The following EEF2K variants were observed in gnomAD, a reference collection of about 807,000 sequenced individuals.
The protein encoded by EEF2K is eukaryotic elongation factor 2 kinase, also known as alternative protein EEF2K.
A neutral mutation model predicts 93.8 loss-of-function variants in EEF2K; 70 were observed. That is an observed-to-expected ratio of 0.75 (90% CI 0.62 to 0.91). The LOEUF (loss-of-function observed/expected upper bound fraction) is 0.91, where lower values mean the gene tolerates loss of function less well. Ranked by LOEUF, EEF2K falls within the 40% of genes least tolerant of loss-of-function variation. The pLI is 0.00. For missense variants in EEF2K, 935 were observed against 972.9 expected (o/e 0.96, Z 0.52); for synonymous variants, 376 against 380.8 (o/e 0.99, Z 0.15).
chr16:22,264,678 C>T (rs2047499843), intron 12 of EEF2K, 140 bp from the exon 13 acceptor site: 1 of 783,732 alleles, frequency 1.3e-6, no homozygotes, highest in Non-Finnish European at 2.0e-6. Flanking sequence ...CACCTGGGAA[C>T]ATAGGGCCAA....
chr16:22,247,282 A>C (rs1244308342), intron 3 of EEF2K, among the ~76,000 whole-genome samples: 8 of 151,234 alleles, frequency 5.3e-5, no homozygotes, highest in Non-Finnish European at 1.0e-4. Flanking sequence ...CTCTACAAAA[A>C]TACAAAAAAA....
intron 5 of EEF2K, 41 bp from the exon 6 acceptor site, chr16:22,251,110 C>T (rs1199013894): frequency 6.3e-7 from 1 of 1,590,496 alleles, no homozygotes; most frequent in Admixed American, 1.7e-5. Context: ...CTGGTGAACC[C>T]CAGAGTACCC....
chr16:22,226,497 T>C (rs1023961804), intron 2 of EEF2K, among the ~76,000 whole-genome samples: 23 of 148,110 alleles, frequency 1.6e-4, no homozygotes, highest in African/African-American at 5.0e-4. Flanking sequence ...TCTCTCTTTT[T>C]CTTTCTTTTC....
At chr16:22,242,639 G>A (rs899312276) in intron 2 of EEF2K, among the ~76,000 whole-genome samples, 1 of 151,924 alleles carries the variant, frequency 6.6e-6, no homozygotes, top group African/African-American at 2.4e-5. Context: ...ATAGATTTGG[G>A]AGTTCTTTTG....
At chr16:22,227,068 G>A (rs1046084219) in intron 2 of EEF2K, among the ~76,000 whole-genome samples, 3 of 152,034 alleles carry the variant, frequency 2.0e-5, no homozygotes, top group East Asian at 1.9e-4. Flanking sequence ...GTGTGGTGGC[G>A]CACACCTGTA....
chr16:22,254,023 C>T (rs546491001), intron 6 of EEF2K, among the ~76,000 whole-genome samples: 2 of 152,122 alleles, frequency 1.3e-5, no homozygotes, highest in Non-Finnish European at 2.9e-5. Flanking sequence ...CACTTGAACA[C>T]GAGAGGCGGA....
intron 2 of EEF2K, among the ~76,000 whole-genome samples, chr16:22,231,351 C>T (rs1013299826): frequency 5.3e-5 from 8 of 151,262 alleles, no homozygotes; most frequent in East Asian, 2.0e-4. Flanking sequence ...CTCCTGACCT[C>T]GTGATCCACC....
At chr16:22,270,049 C>T (rs1218228803) in intron 15 of EEF2K, among the ~76,000 whole-genome samples, 1 of 151,778 alleles carries the variant, frequency 6.6e-6, no homozygotes, top group African/African-American at 2.4e-5. Context: ...CCTCCACCAC[C>T]CGGTTCAAGC....
At chr16:22,237,513 C>T (rs1157896055) in intron 2 of EEF2K, among the ~76,000 whole-genome samples, 1 of 151,596 alleles carries the variant, frequency 6.6e-6, no homozygotes, top group Non-Finnish European at 1.5e-5. Context: ...TGGCGTGTGC[C>T]CATAGGCCCA....
intron 1 of EEF2K, among the ~76,000 whole-genome samples, chr16:22,220,800 G>T (rs914328450): frequency 6.6e-6 from 1 of 152,204 alleles, no homozygotes; most frequent in Non-Finnish European, 1.5e-5. Context: ...GCAGCTTGGG[G>T]CTGTGGTTCT....
Position 22,263,195 on chromosome 16 carries a change from AC to A in EEF2K, c.1377+13del. The A allele has an allele frequency of 3.1e-6, 5 of 1,607,914 alleles. No homozygotes were observed. The highest frequency in any genetic ancestry group is 1.3e-5 in the African/African-American group (1 of 74,664). On this transcript the variant is annotated intron_variant, in intron 12 of 17. Coordinates refer to ENST00000263026, the MANE Select transcript of EEF2K (RefSeq NM_013302.5). ...CCTGAGCCCCGAGAACATGTAAGGA[AC>A]CCCCAGGAAATGAGACCGGTGTCAC...
rs760862913 is a variant in EEF2K, at chr16:22,283,919, A to T, written c.2101A>T (p.Met701Leu). 2.1e-5 allele frequency: 34 copies of T among 1,600,504 alleles called. No homozygotes were observed. The highest frequency in any genetic ancestry group is 2.8e-5 in the Non-Finnish European group (33 of 1,173,814). The stretch of plus-strand genomic sequence containing the variant: ...GTATACCCAGGCAGCAGAGGCAGCG[A>T]TGGAAGCCATGAAGGGCCGACTGGC... ...DLYTQAAEAAMEAMKGRLANQ... is the reference protein window; with the variant it reads ...DLYTQAAEAALEAMKGRLANQ... Residue 701 changes from methionine to leucine, a missense_variant, in exon 18 of 18, where the codon ATG becomes TTG. Met to Leu is a conservative substitution (Grantham distance 15, BLOSUM62 2). Transcript: ENST00000263026.
intron 15 of EEF2K, among the ~76,000 whole-genome samples, chr16:22,268,569 C>T (rs538330949): frequency 2.0e-5 from 3 of 151,954 alleles, no homozygotes; most frequent in Non-Finnish European, 4.4e-5. Flanking sequence ...TGGGTTCAAG[C>T]GATCCTCCTG....
Position 22,225,817 on chromosome 16 carries a change from G to A in EEF2K, c.88G>A (p.Asp30Asn), listed in dbSNP as rs377003950. Residue 30 changes from aspartate (D) to asparagine (N), a missense_variant, in exon 2 of 18, where the codon GAC becomes AAC. Physicochemically the swap from Asp to Asn is conservative, Grantham distance 23 (BLOSUM62 1). Coordinates refer to ENST00000263026, the MANE Select transcript of EEF2K (RefSeq NM_013302.5). ...TGGCCATGATGGTGATTCTGATGGG[G>A]ACAGCGACGATGAGGAAGGTTACTT... ...RAGHDGDSDG[D>N]SDDEEGYFIC... The A allele has an allele frequency of 7.1e-5, 114 of 1,614,120 alleles. 2 individuals are homozygous for A. The highest frequency in any genetic ancestry group is 2.9e-4 in the South Asian group (26 of 91,088).
chr16:22,256,544 A>T (rs1199519794), intron 6 of EEF2K, among the ~76,000 whole-genome samples: 2 of 152,026 alleles, frequency 1.3e-5, no homozygotes, highest in East Asian at 3.9e-4. Flanking sequence ...CTAAAAATAT[A>T]TTTTTTTTAA....
At chr16:22,275,760 C>A (rs1261102647) in intron 16 of EEF2K, among the ~76,000 whole-genome samples, 1 of 151,774 alleles carries the variant, frequency 6.6e-6, no homozygotes, top group Non-Finnish European at 1.5e-5. Context: ...CCTGCCTCAG[C>A]CTCCCCAGTA....
intron 1 of EEF2K, among the ~76,000 whole-genome samples, chr16:22,223,525 T>G (rs990441842): frequency 1.3e-5 from 2 of 152,166 alleles, no homozygotes; most frequent in Non-Finnish European, 2.9e-5. Flanking sequence ...TCTTAATTTT[T>G]GGGTATGGCG....
chr16:22,228,552 T>C (rs911113319), intron 2 of EEF2K, among the ~76,000 whole-genome samples: 19 of 152,340 alleles, frequency 1.2e-4, no homozygotes, highest in African/African-American at 4.1e-4. Flanking sequence ...GAACTTTATT[T>C]AATTCAGGTA....
intron 1 of EEF2K, among the ~76,000 whole-genome samples, chr16:22,219,741 G>T (rs754873956): frequency 2.0e-5 from 3 of 152,190 alleles, no homozygotes; most frequent in Non-Finnish European, 4.4e-5. Context: ...AATTACAGTA[G>T]ATTATACAAG....
Sources: allele counts gnomAD v4.1 joint callset (sites outside exome capture counted in the v4.1 genomes callset), GRCh38; gene constraint gnomAD v4.1.1; transcripts MANE v1.5; gene names NCBI Gene and HGNC (gene_info 2026-07-23, HGNC 2026-07-21).